Variants in CRHR2 observed in about 807,000 individuals in gnomAD.
The protein encoded by CRHR2 is corticotropin-releasing hormone receptor 2.
CRHR2 carries 53 observed loss-of-function variants against 57.9 expected under a neutral mutation model. That is an observed-to-expected ratio of 0.92 (90% CI 0.73 to 1.15). The LOEUF is 1.15. Among genes scored for constraint, CRHR2 ranks in the 50% most tolerant of loss-of-function variants. The pLI, the probability that CRHR2 is intolerant of heterozygous loss-of-function variation, is 0.00. For synonymous variants in CRHR2, 213 were observed against 220.9 expected, an observed-to-expected ratio of 0.96 and a Z score of 0.32; for missense variants, 532 against 542.6, an observed-to-expected ratio of 0.98 and a Z score of 0.19.
intron 1 of CRHR2, among the ~76,000 whole-genome samples, chr7:30,691,634 G>C (rs1784962475): frequency 6.6e-6 from 1 of 152,208 alleles, no homozygotes; most frequent in South Asian, 2.1e-4. Flanking sequence ...CTTGCTCTTT[G>C]GGTCTGGGCA....
intron 2 of CRHR2, among the ~76,000 whole-genome samples, chr7:30,670,434 C>A (rs1784320766): frequency 6.6e-6 from 1 of 152,344 alleles, no homozygotes; most frequent in Middle Eastern, 3.4e-3. Flanking sequence ...CAGGACAGAG[C>A]CATTGAGGAA....
chr7:30,664,805 A>G (rs578098304), intron 5 of CRHR2, among the ~76,000 whole-genome samples: 5 of 152,120 alleles, frequency 3.3e-5, no homozygotes, highest in African/African-American at 7.2e-5. Context: ...TCTGTGTGCA[A>G]ATCTCCAAGG....
At chr7:30,699,374 C>T (rs960793010) in intron 1 of CRHR2, among the ~76,000 whole-genome samples, 9 of 152,152 alleles carry the variant, frequency 5.9e-5, no homozygotes, top group African/African-American at 1.7e-4. Context: ...CTGTCCCCAT[C>T]GCTCATCTGG....
In CRHR2 at chr7:30,662,854, G is replaced by T; in HGVS notation, c.544-7C>A. 1 of 1,613,790 alleles carries T rather than the reference G, an allele frequency of 6.2e-7. No homozygotes were observed. The highest frequency in any genetic ancestry group is 8.5e-7 in the Non-Finnish European group (1 of 1,179,774). Reference sequence around the variant, plus strand: ...TGATGCAGCGGCACCAGACCTGTGTGCAGGGCAGAGAGGCTGTCAGGAGGC... The same window carrying T: ...TGATGCAGCGGCACCAGACCTGTGTTCAGGGCAGAGAGGCTGTCAGGAGGC... On this transcript the variant is annotated splice_region_variant and splice_polypyrimidine_tract_variant and intron_variant, in intron 5 of 11. Transcript: ENST00000471646.
upstream of CRHR2, chr7:30,682,489 A>G (rs1377221051): frequency 1.5e-6 from 2 of 1,318,162 alleles, no homozygotes; most frequent in East Asian, 3.2e-5. Context: ...CGCCGAGTGC[A>G]CGGAGCTGCG....
upstream of CRHR2, among the ~76,000 whole-genome samples, chr7:30,685,068 A>C (rs1385517934): frequency 6.6e-6 from 1 of 152,192 alleles, no homozygotes; most frequent in African/African-American, 2.4e-5. Context: ...CAGGTTGGCA[A>C]ATAGGTTCAG....
In CRHR2 at chr7:30,667,302, G is replaced by T. The variant is rs141646899; in HGVS notation, c.241C>A (p.Arg81=). The part of the protein sequence containing the change: ...VKYNTTRNAY[R]ECLENGTWAS... The stretch of plus-strand genomic sequence containing the variant: ...CACGTCCCATTCTCCAAGCATTCTC[G>T]ATAGGCATTCCCTACAAAAAATGCC... The change falls in exon 3 of 12, where the codon CGA becomes AGA. Residue 81 remains arginine (R), a synonymous_variant. Coordinates refer to ENST00000471646, the MANE Select transcript of CRHR2 (RefSeq NM_001883.5). The T allele has an allele frequency of 6.2e-7, 1 of 1,613,948 alleles. No individual in the cohort carries two copies. Among genetic ancestry groups the T allele is most frequent in the African/African-American group, 1.3e-5 (1 of 74,894 alleles).
chr7:30,684,939 T>G (rs7793486), upstream of CRHR2, among the ~76,000 whole-genome samples: 1 of 152,176 alleles, frequency 6.6e-6, no homozygotes, highest in African/African-American at 2.4e-5. Context: ...AGAGGTAGAT[T>G]AGAGGCTTTG....
intron 1 of CRHR2, among the ~76,000 whole-genome samples, chr7:30,692,491 T>C (rs255105): frequency 0.51 from 76,948 of 152,070 alleles, 22,836 homozygotes; most frequent in Non-Finnish European, 0.66. Context: ...AACTGGACAT[T>C]GGAGCGGAAT....
chr7:30,655,818 C>T (rs185366101), intron 9 of CRHR2, 103 bp from the exon 10 acceptor site: 7 of 1,589,474 alleles, frequency 4.4e-6, no homozygotes, highest in East Asian at 2.2e-5. Flanking sequence ...GGAGCTTGAG[C>T]GAGCTCCCTG....
At chr7:30,690,848 C>G (rs765184276) in intron 1 of CRHR2, among the ~76,000 whole-genome samples, 8 of 152,174 alleles carry the variant, frequency 5.3e-5, no homozygotes, top group African/African-American at 1.9e-4. Context: ...TCCCACCCCA[C>G]GAAGTGAGGT....
chr7:30,653,545 C>T lies in CRHR2; in HGVS notation c.1151G>A (p.Arg384Gln), dbSNP rs367951133. ...WHRWQDHHSLRVPMARAMSIP... is the reference protein window; with the variant it reads ...WHRWQDHHSLQVPMARAMSIP... ...GGACATGGCCCGGGCCATGGGGACTCGAAGGGAGTGATGGTCCTGCCAGCG... is the reference window on the plus strand; with the variant it reads ...GGACATGGCCCGGGCCATGGGGACTTGAAGGGAGTGATGGTCCTGCCAGCG... The change falls in exon 12 of 12, where the codon CGA (arginine) becomes CAA (glutamine). Residue 384 changes from arginine (R) to glutamine (Q), a missense_variant. Coordinates refer to ENST00000471646, the MANE Select transcript of CRHR2 (RefSeq NM_001883.5). The surrounding 1 kb of genome is among the most constrained non-coding windows in gnomAD (Gnocchi z 5.0). The T allele has an allele frequency of 1.2e-5, 19 of 1,613,260 alleles. No homozygotes were observed. The highest frequency in any genetic ancestry group is 1.1e-4 in the East Asian group (5 of 44,844).
At chr7:30,682,096 T>C (rs367922954) in intron 1 of CRHR2, 56 bp from the exon 2 acceptor site, 2 of 1,541,896 alleles carry the variant, frequency 1.3e-6, no homozygotes, top group South Asian at 1.2e-5. Context: ...GACGCGGGGC[T>C]CTCGGAGCGC....
At chr7:30,681,806 C>A in intron 2 of CRHR2, 109 bp downstream of exon 2, 1 of 1,435,068 alleles carries the variant, frequency 7.0e-7, no homozygotes, top group Non-Finnish European at 9.1e-7. Flanking sequence ...TCCGCGGTAC[C>A]GCGGCCGTCA....
intron 8 of CRHR2, among the ~76,000 whole-genome samples, chr7:30,659,260 G>A (rs1783902526): frequency 6.6e-6 from 1 of 152,224 alleles, no homozygotes; most frequent in African/African-American, 2.4e-5. Context: ...AGGAAGCATG[G>A]AGCTGGGTCT....
intron 1 of CRHR2, among the ~76,000 whole-genome samples, chr7:30,690,892 TTG>T (rs1302865135): frequency 6.6e-6 from 1 of 152,130 alleles, no homozygotes; most frequent in Non-Finnish European, 1.5e-5. Flanking sequence ...GGTGTGTGTG[TTG>T]TGTGTGTGTC....
In CRHR2 at chr7:30,655,956, C is replaced by T. The variant is rs539017617; in HGVS notation, c.888G>A (p.Ala296=). 9.9e-6 allele frequency: 16 copies of T among 1,613,938 alleles called. No individual in the cohort carries two copies. The African/African-American group carries it at 1.1e-4, about 11-fold the overall frequency. Residue 296 remains alanine (A), a synonymous_variant, in exon 9 of 12, where the codon GCG becomes GCA. Coordinates refer to ENST00000471646, the MANE Select transcript of CRHR2 (RefSeq NM_001883.5). ...ACTGGATTGTCTCGGATGTGGTGGA[C>T]GCGCGTAACTTTGTCATTAGGATCC... The part of the protein sequence containing the change: ...IVRILMTKLR[A]STTSETIQYR...
chr7:30,672,028 C>T (rs1191538339), intron 2 of CRHR2, among the ~76,000 whole-genome samples: 1 of 152,158 alleles, frequency 6.6e-6, no homozygotes, highest in East Asian at 1.9e-4. Flanking sequence ...CTTTCAGCAC[C>T]GCGGACAGCA....
chr7:30,685,623 A>G (rs1784840592), upstream of CRHR2, among the ~76,000 whole-genome samples: 1 of 152,172 alleles, frequency 6.6e-6, no homozygotes. Flanking sequence ...GGACAGAGGA[A>G]TTGGCCTGGT....
Sources: allele counts gnomAD v4.1 joint callset (sites outside exome capture counted in the v4.1 genomes callset), GRCh38; gene constraint gnomAD v4.1.1; non-coding constraint Gnocchi (gnomAD v3.1); transcripts MANE v1.5; gene names NCBI Gene and HGNC (gene_info 2026-07-23, HGNC 2026-07-21).